LRBA: variants seen among roughly 807,000 people sequenced by gnomAD.
The protein encoded by LRBA is lipopolysaccharide-responsive and beige-like anchor protein.
Under a neutral mutation model 330.0 loss-of-function variants are expected in LRBA, and 176 were observed. The ratio of observed to expected loss-of-function variants is 0.53; its 90% CI spans 0.47 to 0.60. The LOEUF is 0.60. LRBA is among the 20% of genes least tolerant of loss of function. The pLI is 0.00. For synonymous variants in LRBA, 1,230 were observed against 1,193.0 expected, an observed-to-expected ratio of 1.03 and a Z score of -0.64; for missense variants, 3,259 against 3,444.8, an observed-to-expected ratio of 0.95 and a Z score of 1.35.
At chr4:150,551,793 A>C (rs771105789) in intron 40 of LRBA, among the ~76,000 whole-genome samples, 4 of 152,220 alleles carry the variant, frequency 2.6e-5, no homozygotes, top group Non-Finnish European at 4.4e-5. Context: ...TCCCATAGAA[A>C]AGTCTATTAA....
At chr4:150,689,874 G>A (rs1342832620) in intron 36 of LRBA, among the ~76,000 whole-genome samples, 3 of 152,146 alleles carry the variant, frequency 2.0e-5, no homozygotes, top group Non-Finnish European at 4.4e-5. Context: ...GCAGCAAGCC[G>A]AGATTGTGCC....
chr4:150,598,917 T>C (rs1773805159), intron 38 of LRBA, 90 bp downstream of exon 38: 2 of 1,507,160 alleles, frequency 1.3e-6, no homozygotes, highest in Non-Finnish European at 1.8e-6. Context: ...TGTTGGACCA[T>C]TTTACAGTGC....
intron 29 of LRBA, among the ~76,000 whole-genome samples, chr4:150,830,602 C>T (rs1399297473): frequency 6.6e-6 from 1 of 152,028 alleles, no homozygotes; most frequent in Non-Finnish European, 1.5e-5. Context: ...CGTGCCCTAT[C>T]CAAATCTAAC....
intron 55 of LRBA, among the ~76,000 whole-genome samples, chr4:150,279,050 C>T (rs1397946737): frequency 2.0e-5 from 3 of 152,126 alleles, no homozygotes; most frequent in African/African-American, 7.2e-5. Flanking sequence ...GTCTTGAACT[C>T]CTGACCTCAA....
intron 37 of LRBA, among the ~76,000 whole-genome samples, chr4:150,646,630 A>G (rs1285345239): frequency 6.6e-6 from 1 of 152,140 alleles, no homozygotes; most frequent in Non-Finnish European, 1.5e-5. Context: ...GTGTGGAACA[A>G]TGTCTAATCA....
chr4:151,013,660 A>AG (rs1397928611), intron 2 of LRBA: 18 of 152,256 alleles, frequency 1.2e-4, no homozygotes, highest in African/African-American at 4.1e-4. Flanking sequence ...TAGGAGTTTG[A>AG]GAACAGCCTG....
chr4:150,310,242 A>G lies in LRBA; in HGVS notation c.7836T>C (p.Tyr2612=), dbSNP rs768942860. The G allele has an allele frequency of 1.1e-5, 18 of 1,611,298 alleles. No individual in the cohort carries two copies. Among genetic ancestry groups the G allele is most frequent in the Non-Finnish European group, 1.7e-6 (2 of 1,177,832 alleles). The change falls in exon 52 of 57, where the codon TAT becomes TAC. Residue 2612 remains tyrosine (Y), a synonymous_variant. Transcript: ENST00000651943. Reference sequence around the variant, plus strand: ...AATGAAAATTACCTGTGTCTGTAGAATAGACTCTGAAACTTTTATCCCAGA... The same window carrying G: ...AATGAAAATTACCTGTGTCTGTAGAGTAGACTCTGAAACTTTTATCCCAGA... ...CGFWDKSFRV[Y]STDTGRLIQV...
chr4:150,375,252 T>C (rs1368061772), intron 47 of LRBA, among the ~76,000 whole-genome samples: 1 of 152,064 alleles, frequency 6.6e-6, no homozygotes, highest in Non-Finnish European at 1.5e-5. Flanking sequence ...TGCAGTCCTG[T>C]CTCCTGTTTT....
At chr4:150,489,654 ATAT>A (rs1418539606) in intron 41 of LRBA, among the ~76,000 whole-genome samples, 19 of 119,894 alleles carry the variant, frequency 1.6e-4, no homozygotes, top group African/African-American at 3.5e-4. Flanking sequence ...ATAATATATA[ATAT>A]TATATATAAG....
chr4:150,463,494 T>A (rs574769461), intron 44 of LRBA, among the ~76,000 whole-genome samples: 19 of 152,168 alleles, frequency 1.2e-4, no homozygotes, highest in African/African-American at 4.3e-4. Context: ...GTGGACATAT[T>A]TGGATAGAGG....
Position 150,310,342 on chromosome 4 carries a change from A to G in LRBA, c.7736T>C (p.Leu2579Ser). ...GGAATGCACTTGAATACTTTGGTCT[A>G]AAAGGTCAGTGATTTGCCTCCTGTG... The part of the protein sequence containing the change: ...GMHRRQITDL[L>S]DQSIQVHSQC... The change falls in exon 52 of 57, where the codon TTA becomes TCA. Residue 2579 changes from leucine (L) to serine (S), a missense_variant. By Grantham distance (145) the Leu-to-Ser change is moderately radical. Coordinates refer to ENST00000651943, the MANE Select transcript of LRBA (RefSeq NM_001364905.1). 1 of 1,613,268 alleles carries G rather than the reference A, an allele frequency of 6.2e-7. No homozygotes were observed. The highest frequency in any genetic ancestry group is 8.5e-7 in the Non-Finnish European group (1 of 1,179,420).
intron 48 of LRBA, among the ~76,000 whole-genome samples, chr4:150,337,689 A>T (rs1734937654): frequency 6.6e-6 from 1 of 152,132 alleles, no homozygotes; most frequent in African/African-American, 2.4e-5. Context: ...TAACACTTTG[A>T]ATTGTGGCTG....
At chr4:150,364,673 T>G (rs977184443) in intron 47 of LRBA, among the ~76,000 whole-genome samples, 28 of 152,218 alleles carry the variant, frequency 1.8e-4, no homozygotes, top group African/African-American at 6.8e-4. Flanking sequence ...TTACAGGTTT[T>G]ACTGTTCTTT....
intron 35 of LRBA, among the ~76,000 whole-genome samples, chr4:150,756,651 T>C (rs1003137195): frequency 1.3e-5 from 2 of 152,100 alleles, no homozygotes; most frequent in African/African-American, 4.8e-5. Context: ...AATACACAAA[T>C]AAATGAATTT....
At chr4:150,317,729 G>A (rs188749604) in intron 50 of LRBA, among the ~76,000 whole-genome samples, 30 of 152,262 alleles carry the variant, frequency 2.0e-4, no homozygotes, top group Admixed American at 5.9e-4. Flanking sequence ...AACTGTCAGT[G>A]AAATGGGTTT....
intron 36 of LRBA, among the ~76,000 whole-genome samples, chr4:150,722,421 G>A (rs1467492854): frequency 2.0e-5 from 3 of 152,020 alleles, no homozygotes; most frequent in Non-Finnish European, 4.4e-5. Context: ...AGTGAGTATT[G>A]AATTCACTTA....
chr4:150,585,013 T>G (rs1341417181), intron 40 of LRBA, among the ~76,000 whole-genome samples: 1 of 152,146 alleles, frequency 6.6e-6, no homozygotes, highest in Non-Finnish European at 1.5e-5. Context: ...TAGAAAAAAC[T>G]TTTTCACATT....
At chr4:150,737,983 CTTT>C (rs774453122) in intron 35 of LRBA, among the ~76,000 whole-genome samples, 1 of 112,154 alleles carries the variant, frequency 8.9e-6, no homozygotes, top group Non-Finnish European at 1.8e-5. Flanking sequence ...TTCTCTGAAT[CTTT>C]TTTTTTTTTT....
intron 2 of LRBA, among the ~76,000 whole-genome samples, chr4:150,999,459 G>T (rs953571568): frequency 1.3e-5 from 2 of 151,470 alleles, no homozygotes; most frequent in Non-Finnish European, 2.9e-5. Context: ...TAGAGATAAG[G>T]TCTATGTTGC....
Sources: allele counts gnomAD v4.1 joint callset (sites outside exome capture counted in the v4.1 genomes callset), GRCh38; gene constraint gnomAD v4.1.1; transcripts MANE v1.5; gene names NCBI Gene and HGNC (gene_info 2026-07-23, HGNC 2026-07-21).